Variants in EXOC6B observed in about 807,000 individuals in gnomAD.
EXOC6B encodes SEC15 homolog B.
A neutral mutation model predicts 113.5 loss-of-function variants in EXOC6B; 54 were observed. That is an observed-to-expected ratio of 0.48 (90% CI 0.38 to 0.60). EXOC6B has a LOEUF of 0.60. Among genes scored for constraint, EXOC6B ranks in the 20% least tolerant of loss-of-function variants. EXOC6B has a pLI of 0.00. For synonymous variants in EXOC6B, 357 were observed against 339.0 expected, an observed-to-expected ratio of 1.05 and a Z score of -0.58; for missense variants, 797 against 977.5, an observed-to-expected ratio of 0.82 and a Z score of 2.46.
chr2:72,456,860 G>C lies in EXOC6B; in HGVS notation c.1980+8300C>G, dbSNP rs1367130268. Among the ~76,000 whole-genome samples the C allele has an allele frequency of 2.0e-5, 3 of 152,162 alleles. No homozygotes were observed. In the East Asian group the frequency reaches 5.8e-4, roughly 29 times the overall value. ...AATTTAATTCGTGCCATTTTAAAAAGTGCCACAAAGGAAGATGTCACATCT... is the reference window on the plus strand; with the variant it reads ...AATTTAATTCGTGCCATTTTAAAAACTGCCACAAAGGAAGATGTCACATCT... On this transcript the variant is annotated intron_variant, in intron 18 of 21. Coordinates refer to ENST00000272427, the MANE Select transcript of EXOC6B (RefSeq NM_015189.3).
At chr2:72,242,907 A>AT (rs556223811) in intron 20 of EXOC6B, among the ~76,000 whole-genome samples, 12 of 151,930 alleles carry the variant, frequency 7.9e-5, no homozygotes, top group Admixed American at 5.2e-4. Context: ...TAATATTTAA[A>AT]TTTTTTTTGT....
At chr2:72,513,305 C>G in intron 10 of EXOC6B, 53 bp from the exon 11 acceptor site, 1 of 1,605,724 alleles carries the variant, frequency 6.2e-7, no homozygotes, top group Non-Finnish European at 8.5e-7. Context: ...AGTTTTATTA[C>G]TCTCTCTGGG....
At chr2:72,774,176 C>G (rs1194369508) in intron 1 of EXOC6B, among the ~76,000 whole-genome samples, 3 of 152,142 alleles carry the variant, frequency 2.0e-5, no homozygotes, top group African/African-American at 4.8e-5. Context: ...TATTATCACC[C>G]AGTCTTACAA....
At chr2:72,218,298 T>C (rs1463835103) in intron 20 of EXOC6B, among the ~76,000 whole-genome samples, 1 of 152,186 alleles carries the variant, frequency 6.6e-6, no homozygotes, top group Non-Finnish European at 1.5e-5. Flanking sequence ...AAAACTTTAA[T>C]CCTAAGCATA....
At chr2:72,425,792 A>G (rs998263758) in intron 18 of EXOC6B, among the ~76,000 whole-genome samples, 3 of 152,134 alleles carry the variant, frequency 2.0e-5, no homozygotes, top group Non-Finnish European at 2.9e-5. Context: ...GTTTTTAGAG[A>G]CAGATCATAA....
chr2:72,397,110 A>C (rs1306502881), intron 18 of EXOC6B, among the ~76,000 whole-genome samples: 1 of 152,182 alleles, frequency 6.6e-6, no homozygotes, highest in Non-Finnish European at 1.5e-5. Context: ...TAGGAAAGGC[A>C]AAGAATTTGA....
intron 18 of EXOC6B, among the ~76,000 whole-genome samples, chr2:72,400,734 G>A (rs916895992): frequency 1.3e-5 from 2 of 148,334 alleles, no homozygotes; most frequent in Non-Finnish European, 3.0e-5. Context: ...TTAAAACCAC[G>A]ATGACATACC....
intron 19 of EXOC6B, among the ~76,000 whole-genome samples, chr2:72,335,549 CA>C (rs1418041812): frequency 0.03 from 19 of 640 alleles, 1 homozygote; most frequent in African/African-American, 0.071. Context: ...TGCATTATTG[CA>C]CACACACACA....
In EXOC6B at chr2:72,556,691, T is replaced by C. The variant is rs568584469; in HGVS notation, c.915+2762A>G. On this transcript the variant is annotated intron_variant, in intron 8 of 21. Transcript: ENST00000272427. Reference sequence around the variant, plus strand: ...TGGGTTAAGATGAAAATCTAAATGGTAAAATATTAAATGTAGTATAAAGTA... The same window carrying C: ...TGGGTTAAGATGAAAATCTAAATGGCAAAATATTAAATGTAGTATAAAGTA... 4.6e-5 allele frequency among the ~76,000 whole-genome samples: 7 copies of C among 152,094 alleles called. No homozygotes were observed. In the East Asian group the frequency reaches 1.4e-3, roughly 29 times the overall value.
chr2:72,297,545 T>C (rs1686219457), intron 20 of EXOC6B, among the ~76,000 whole-genome samples: 1 of 152,212 alleles, frequency 6.6e-6, no homozygotes, highest in African/African-American at 2.4e-5. Flanking sequence ...CGCCTTCTGC[T>C]AGCTTTTGAA....
chr2:72,771,785 G>A (rs1320772954), intron 1 of EXOC6B, among the ~76,000 whole-genome samples: 1 of 152,008 alleles, frequency 6.6e-6, no homozygotes, highest in African/African-American at 2.4e-5. Flanking sequence ...GCCCAGCCTG[G>A]GCAACATGGT....
chr2:72,378,700 T>C (rs751468479), intron 19 of EXOC6B, among the ~76,000 whole-genome samples: 1 of 152,266 alleles, frequency 6.6e-6, no homozygotes, highest in South Asian at 2.1e-4. Flanking sequence ...AACTAATAAG[T>C]AGTAAAATAA....
intron 6 of EXOC6B, among the ~76,000 whole-genome samples, chr2:72,682,715 T>C (rs890208764): frequency 5.3e-5 from 8 of 152,148 alleles, no homozygotes; most frequent in African/African-American, 1.7e-4. Flanking sequence ...CTCTGACTAT[T>C]TATAAACAAA....
intron 18 of EXOC6B, among the ~76,000 whole-genome samples, chr2:72,445,686 C>T (rs528460750): frequency 6.1e-4 from 93 of 152,232 alleles, no homozygotes; most frequent in African/African-American, 2.1e-3. Context: ...GACTTATTCA[C>T]TATCACAAGA....
Position 72,820,533 on chromosome 2 carries a change from G to A in EXOC6B, c.113+5265C>T, listed in dbSNP as rs923826816. ...ATCATTCTTATGATACAGGAATTGA[G>A]CCAAAAAGAGAAAAACTTTCGCTGA... On this transcript the variant is annotated intron_variant, in intron 1 of 21. Transcript: ENST00000272427. Among the ~76,000 whole-genome samples the A allele has an allele frequency of 2.0e-5, 3 of 152,070 alleles. No individual in the cohort carries two copies. In the East Asian group the frequency reaches 5.8e-4, roughly 29 times the overall value.
At chr2:72,385,681 G>C (rs867783030) in intron 18 of EXOC6B, among the ~76,000 whole-genome samples, 5 of 152,010 alleles carry the variant, frequency 3.3e-5, no homozygotes, top group Middle Eastern at 3.4e-3. Context: ...GAAATAAACT[G>C]ATTAAAAAAT....
chr2:72,203,394 T>C (rs1034565652), intron 20 of EXOC6B, among the ~76,000 whole-genome samples: 2 of 152,220 alleles, frequency 1.3e-5, no homozygotes, highest in Non-Finnish European at 2.9e-5. Flanking sequence ...ACCTGACACA[T>C]GTCTGAGCCC....
chr2:72,513,299 T>G (rs1313454007), intron 10 of EXOC6B, 47 bp from the exon 11 acceptor site: 7 of 1,607,528 alleles, frequency 4.4e-6, no homozygotes, highest in Non-Finnish European at 5.9e-6. Context: ...AATTACAGTT[T>G]TATTACTCTC....
chr2:72,421,926 C>T (rs981275937), intron 18 of EXOC6B, among the ~76,000 whole-genome samples: 1 of 152,334 alleles, frequency 6.6e-6, no homozygotes, highest in African/African-American at 2.4e-5. Context: ...TCAGAGCAGC[C>T]GGCCAGCCCT....
Sources: gnomAD v4.1 joint callset for allele counts (sites outside exome capture counted in the v4.1 genomes callset) on GRCh38, gnomAD v4.1.1 for gene constraint, MANE v1.5 for transcripts, NCBI Gene and HGNC (gene_info 2026-07-23, HGNC 2026-07-21) for gene names.